The following CNKSR1 variants were observed in gnomAD, a reference collection of about 807,000 sequenced individuals.
CNKSR1 encodes connector enhancer of kinase suppressor of Ras 1, also known as CNK homolog protein 1.
In CNKSR1, 88 loss-of-function variants were observed where a neutral mutation model predicts 95.6. The ratio of observed to expected loss-of-function variants is 0.92; its 90% CI spans 0.78 to 1.10. The LOEUF is 1.10. Among genes scored for constraint, CNKSR1 ranks in the 50% least tolerant of loss-of-function variants. The pLI is 0.00. For missense variants in CNKSR1, 836 were observed against 912.0 expected, an observed-to-expected ratio of 0.92 and a Z score of 1.07; for synonymous variants, 355 against 369.7, an observed-to-expected ratio of 0.96 and a Z score of 0.46.
chr1:26,180,500 C>T lies in CNKSR1; in HGVS notation c.100C>T (p.Pro34Ser). 1 of 1,614,184 alleles carries T rather than the reference C, an allele frequency of 6.2e-7. No individual in the cohort carries two copies. Among genetic ancestry groups the T allele is most frequent in the Non-Finnish European group, 8.5e-7 (1 of 1,180,044 alleles). Residue 34 changes from proline (P) to serine (S), a missense_variant, in exon 2 of 21, where the codon CCT becomes TCT. Coordinates refer to ENST00000361530, the MANE Select transcript of CNKSR1 (RefSeq NM_006314.3). ...CTATCCCTTTGAGGACTGGCAGCTGCCTGGCAAGAACCTGCTCCAGCTCTG... is the reference window on the plus strand; with the variant it reads ...CTATCCCTTTGAGGACTGGCAGCTGTCTGGCAAGAACCTGCTCCAGCTCTG... ...QDYPFEDWQL[P>S]GKNLLQLCPQ...
intron 14 of CNKSR1, 145 bp downstream of exon 14, chr1:26,185,331 T>A: frequency 1.1e-6 from 1 of 874,022 alleles, no homozygotes. Context: ...CAGAGAGAAA[T>A]GAGTTAATAT....
chr1:26,180,667 G>A, intron 2 of CNKSR1, 48 bp from the exon 3 acceptor site: 1 of 1,614,044 alleles, frequency 6.2e-7, no homozygotes, highest in Non-Finnish European at 8.5e-7. Flanking sequence ...GGGTGTGATG[G>A]GGGGCTGGCT....
In CNKSR1 at chr1:26,183,834, C is replaced by A. The variant is rs1353861722; in HGVS notation, c.855+4C>A. ...GATACCGGAGACCCCCCCACAGGTA[C>A]CTTCCCCTGCCGCCCCCCGACCTGC... On this transcript the variant is annotated splice_donor_region_variant and intron_variant, in intron 9 of 20. Coordinates refer to ENST00000361530, the MANE Select transcript of CNKSR1 (RefSeq NM_006314.3). 3.2e-6 allele frequency: 4 copies of A among 1,260,330 alleles called. No individual in the cohort carries two copies. Among genetic ancestry groups the A allele is most frequent in the Non-Finnish European group, 4.3e-6 (4 of 933,032 alleles). 78.1% of individuals were successfully genotyped at this position (1,260,330 alleles called of 1,614,324 possible). A position where few individuals can be genotyped will look rare whatever the true frequency, so the allele number is the denominator to read the frequency against.
At chr1:26,184,696 A>AT in intron 13 of CNKSR1, 84 bp downstream of exon 13, 1 of 1,456,608 alleles carries the variant, frequency 6.9e-7, no homozygotes, top group Non-Finnish European at 9.4e-7. Context: ...GACCACCCCC[A>AT]TCCTTCCCAC....
intron 1 of CNKSR1, chr1:26,180,095 C>T (rs1889736): frequency 2.9e-6 from 1 of 345,212 alleles, no homozygotes. Flanking sequence ...GTGACTGTGT[C>T]TCAAGCCCCT....
chr1:26,187,275 G>C (rs1260236534), intron 15 of CNKSR1, 34 bp downstream of exon 15: 3 of 1,600,954 alleles, frequency 1.9e-6, no homozygotes, highest in Non-Finnish European at 2.6e-6. Flanking sequence ...CTGGGGGATG[G>C]AGACAGAAAG....
At position 26,177,555 on chromosome 1, in the gene CNKSR1, C is replaced by T. The variant is rs374139316; in HGVS notation, c.8C>T (p.Pro3Leu). Reference protein sequence around the residue: MEPVETWTPGKVA... With the variant: MELVETWTPGKVA... ...AGCTGGCAGAGCTGGGCCATGGAACCGGTAGAGACCTGGACCCCCGGAAAG... is the reference window on the plus strand; with the variant it reads ...AGCTGGCAGAGCTGGGCCATGGAACTGGTAGAGACCTGGACCCCCGGAAAG... The change falls in exon 1 of 21, where the codon CCG becomes CTG. Residue 3 changes from proline (P) to leucine (L), a missense_variant. Coordinates refer to ENST00000361530, the MANE Select transcript of CNKSR1 (RefSeq NM_006314.3). The T allele has an allele frequency of 1.5e-5, 24 of 1,613,994 alleles. No homozygotes were observed. The highest frequency in any genetic ancestry group is 2.7e-5 in the African/African-American group (2 of 75,018).
intron 14 of CNKSR1, among the ~76,000 whole-genome samples, chr1:26,185,884 A>T (rs1009851631): frequency 6.6e-6 from 1 of 152,200 alleles, no homozygotes; most frequent in Non-Finnish European, 1.5e-5. Flanking sequence ...TATTCTGTCC[A>T]TCCGAATGAT....
chr1:26,189,474 C>G lies in CNKSR1; in HGVS notation c.2068C>G (p.Pro690Ala), dbSNP rs190688966. 6.2e-7 allele frequency: 1 copy of G among 1,613,886 alleles called. No homozygotes were observed. Among genetic ancestry groups the G allele is most frequent in the Non-Finnish European group, 8.5e-7 (1 of 1,179,808 alleles). ...CACAGAACAGTCCCCCCACTCCCTG[C>G]CCTCTGACCCTGAAGAGCACTCCCA... is the stretch of plus-strand genomic sequence containing the variant. ...DSTEQSPHSL[P>A]SDPEEHSHLC... The change falls in exon 21 of 21, where the codon CCC becomes GCC. Residue 690 changes from proline (P) to alanine (A), a missense_variant. By Grantham distance (27) the Pro-to-Ala change is conservative. Coordinates refer to ENST00000361530, the MANE Select transcript of CNKSR1 (RefSeq NM_006314.3).
intron 14 of CNKSR1, among the ~76,000 whole-genome samples, chr1:26,186,033 G>A (rs984744532): frequency 1.7e-4 from 26 of 152,274 alleles, no homozygotes; most frequent in Admixed American, 1.3e-3. Flanking sequence ...AGGGGAGAGG[G>A]ATGAATACAC....
chr1:26,186,383 C>G (rs2088750693), intron 14 of CNKSR1, among the ~76,000 whole-genome samples: 1 of 152,222 alleles, frequency 6.6e-6, no homozygotes, highest in Non-Finnish European at 1.5e-5. Context: ...TCACTACAGC[C>G]TCAGCCTCCC....
chr1:26,181,016 AG>A, intron 3 of CNKSR1, 120 bp downstream of exon 3: 1 of 1,291,988 alleles, frequency 7.7e-7, no homozygotes, highest in South Asian at 1.2e-5. Context: ...GTGGTGGCTT[AG>A]GTCTGTAATC....
intron 3 of CNKSR1, 56 bp from the exon 4 acceptor site, chr1:26,181,801 G>T: frequency 6.5e-7 from 1 of 1,529,210 alleles, no homozygotes; most frequent in South Asian, 1.1e-5. Context: ...GTGAGTAATT[G>T]GCTCTGAGTG....
chr1:26,188,503 G>C lies in CNKSR1; in HGVS notation c.1590G>C (p.Ser530=). 5.0e-6 allele frequency: 8 copies of C among 1,602,614 alleles called. No individual in the cohort carries two copies. Among genetic ancestry groups the C allele is most frequent in the Non-Finnish European group, 6.0e-6 (7 of 1,174,924 alleles). The change falls in exon 18 of 21, where the codon TCG becomes TCC. Residue 530 remains serine, a splice_region_variant and synonymous_variant. Coordinates refer to ENST00000361530, the MANE Select transcript of CNKSR1 (RefSeq NM_006314.3). The part of the protein sequence containing the change: ...PDDEAGSHSA[S]PSPAQAGSPL... The stretch of plus-strand genomic sequence containing the variant: ...ATGAGGCTGGGTCCCACTCAGCCTC[G>C]GTGAGTGGGGGGCTGCCGGGGGTAG...
At position 26,183,782 on chromosome 1, in the gene CNKSR1, A is replaced by G; in HGVS notation, c.807A>G (p.Gly269=). ...GGGAACTGCTGCGGGAGCCAGCCGGACTCAGCTTAGTGCTGAAGAAGATCC... is the reference window on the plus strand; with the variant it reads ...GGGAACTGCTGCGGGAGCCAGCCGGGCTCAGCTTAGTGCTGAAGAAGATCC... The part of the protein sequence containing the change: ...MVRELLREPA[G]LSLVLKKIPI... The change falls in exon 9 of 21, where the codon GGA becomes GGG. Residue 269 remains glycine (G), a synonymous_variant. Coordinates refer to ENST00000361530, the MANE Select transcript of CNKSR1 (RefSeq NM_006314.3). 1 of 1,613,338 alleles carries G rather than the reference A, an allele frequency of 6.2e-7. No homozygotes were observed. The highest frequency in any genetic ancestry group is 8.5e-7 in the Non-Finnish European group (1 of 1,179,712).
intron 1 of CNKSR1, among the ~76,000 whole-genome samples, chr1:26,178,594 A>C (rs1312061664): frequency 6.6e-6 from 1 of 152,170 alleles, no homozygotes; most frequent in Non-Finnish European, 1.5e-5. Flanking sequence ...AGACAGGCTC[A>C]GGAGGACCAG....
intron 13 of CNKSR1, 135 bp downstream of exon 13, chr1:26,184,747 A>G: frequency 8.8e-7 from 1 of 1,139,848 alleles, no homozygotes; most frequent in Non-Finnish European, 1.3e-6. Context: ...AGGGTCAGAC[A>G]GAGCTGTGCT....
intron 9 of CNKSR1, 61 bp from the exon 10 acceptor site, chr1:26,184,010 T>G (rs2088696005): frequency 9.9e-7 from 1 of 1,010,246 alleles, no homozygotes; most frequent in Non-Finnish European, 1.5e-6. Context: ...CCTACCCCTG[T>G]TGCCCCCCAA....
intron 14 of CNKSR1, among the ~76,000 whole-genome samples, chr1:26,185,762 C>T (rs1389423826): frequency 6.6e-6 from 1 of 151,924 alleles, no homozygotes; most frequent in Non-Finnish European, 1.5e-5. Flanking sequence ...AACTCCTGGG[C>T]TCAAGCGTTC....
Sources: gnomAD v4.1 joint callset for allele counts (sites outside exome capture counted in the v4.1 genomes callset) on GRCh38, gnomAD v4.1.1 for gene constraint, MANE v1.5 for transcripts, NCBI Gene and HGNC (gene_info 2026-07-23, HGNC 2026-07-21) for gene names.